The following MARCHF1 variants were observed in gnomAD, a reference collection of about 807,000 sequenced individuals.
MARCHF1 encodes the protein membrane associated ring-CH-type finger 1.
In MARCHF1, 40 loss-of-function variants were observed where a neutral mutation model predicts 54.2. The ratio of observed to expected loss-of-function variants is 0.74; its 90% CI spans 0.57 to 0.96. The LOEUF is 0.96. MARCHF1 is among the 40% of genes least tolerant of loss of function. The probability of loss-of-function intolerance (pLI) is 0.00; values close to 1 mark genes in which losing one functional copy is unlikely to be tolerated. For synonymous variants in MARCHF1, 236 were observed against 236.3 expected, an observed-to-expected ratio of 1.00 and a Z score of 0.01; for missense variants, 586 against 656.5, an observed-to-expected ratio of 0.89 and a Z score of 1.17.
intron 3 of MARCHF1, among the ~76,000 whole-genome samples, chr4:163,912,757 A>G (rs1751222138): frequency 6.6e-6 from 1 of 152,222 alleles, no homozygotes; most frequent in South Asian, 2.1e-4. Context: ...GGCATTTTCA[A>G]GATTGTCTGC....
chr4:164,369,207 C>T (rs1368202616), intron 1 of MARCHF1, among the ~76,000 whole-genome samples: 4 of 152,256 alleles, frequency 2.6e-5, no homozygotes, highest in African/African-American at 9.6e-5. Context: ...GAAAGCATTC[C>T]CTTTAGCTGG....
intron 3 of MARCHF1, among the ~76,000 whole-genome samples, chr4:163,859,841 C>T (rs1486609396): frequency 6.6e-6 from 1 of 152,082 alleles, no homozygotes; most frequent in African/African-American, 2.4e-5. Flanking sequence ...AATGAAACTC[C>T]CACATAAATA....
intron 4 of MARCHF1, among the ~76,000 whole-genome samples, chr4:163,774,346 T>G (rs1259157716): frequency 6.6e-6 from 1 of 152,200 alleles, no homozygotes; most frequent in African/African-American, 2.4e-5. Context: ...GAGATCCAGC[T>G]ATATAAAGCA....
chr4:164,314,120 G>C (rs564557799), intron 1 of MARCHF1, among the ~76,000 whole-genome samples: 3 of 152,278 alleles, frequency 2.0e-5, no homozygotes, highest in African/African-American at 7.2e-5. Flanking sequence ...CATTCAGCAT[G>C]TTCTGCTGAT....
At chr4:163,700,483 C>A (rs934971645) in intron 5 of MARCHF1, among the ~76,000 whole-genome samples, 1 of 141,048 alleles carries the variant, frequency 7.1e-6, no homozygotes, top group Non-Finnish European at 1.5e-5. Context: ...CCAGCTGGGG[C>A]GACAGAGTAA....
intron 2 of MARCHF1, among the ~76,000 whole-genome samples, chr4:164,065,947 C>T (rs545349199): frequency 1.3e-5 from 2 of 152,312 alleles, no homozygotes; most frequent in Admixed American, 6.5e-5. Context: ...GAGCTGACAG[C>T]CAATTGGATA....
At chr4:164,345,559 G>A (rs1202018899) in intron 1 of MARCHF1, among the ~76,000 whole-genome samples, 2 of 146,532 alleles carry the variant, frequency 1.4e-5, no homozygotes, top group African/African-American at 5.1e-5. Flanking sequence ...AACTGAGCAA[G>A]AATCTGTCTC....
intron 2 of MARCHF1, among the ~76,000 whole-genome samples, chr4:164,060,821 T>A (rs1754599190): frequency 6.6e-6 from 1 of 152,218 alleles, no homozygotes; most frequent in South Asian, 2.1e-4. Flanking sequence ...TGTTCCTCTC[T>A]GCATTTCTTC....
chr4:163,995,813 A>G (rs1006997324), intron 2 of MARCHF1, among the ~76,000 whole-genome samples: 1 of 152,086 alleles, frequency 6.6e-6, no homozygotes, highest in African/African-American at 2.4e-5. Flanking sequence ...GATGGCAGAA[A>G]CAATGTAGAA....
chr4:164,144,318 G>A (rs1185794290), intron 1 of MARCHF1, among the ~76,000 whole-genome samples: 1 of 151,724 alleles, frequency 6.6e-6, no homozygotes, highest in Admixed American at 6.6e-5. Context: ...GCACCAAGGG[G>A]ACCTAATAGA....
chr4:163,969,590 T>C (rs1752509878), intron 3 of MARCHF1, among the ~76,000 whole-genome samples: 1 of 152,202 alleles, frequency 6.6e-6, no homozygotes, highest in South Asian at 2.1e-4. Flanking sequence ...CCTTCCATTA[T>C]TTACCTCCAG....
chr4:164,278,093 T>C (rs923589176), intron 1 of MARCHF1, among the ~76,000 whole-genome samples: 2 of 152,162 alleles, frequency 1.3e-5, no homozygotes, highest in Non-Finnish European at 2.9e-5. Context: ...GCAGGATTAC[T>C]TGAGCCCAGA....
chr4:164,316,805 T>G (rs1561000030), intron 1 of MARCHF1, among the ~76,000 whole-genome samples: 1 of 152,162 alleles, frequency 6.6e-6, no homozygotes, highest in African/African-American at 2.4e-5. Flanking sequence ...ATTCTCCTGG[T>G]AGTGAGTGAG....
intron 1 of MARCHF1, among the ~76,000 whole-genome samples, chr4:164,252,240 CA>C (rs549895251): frequency 3.7e-4 from 56 of 152,198 alleles, no homozygotes; most frequent in African/African-American, 1.3e-3. Context: ...GGCATATGCT[CA>C]AATCTTCCCC....
chr4:164,212,990 A>T (rs1022597814), intron 1 of MARCHF1, among the ~76,000 whole-genome samples: 1 of 152,146 alleles, frequency 6.6e-6, no homozygotes, highest in Non-Finnish European at 1.5e-5. Context: ...TTTGAAAGAA[A>T]GGACATAACA....
intron 9 of MARCHF1, among the ~76,000 whole-genome samples, chr4:163,539,832 A>G (rs1181305078): frequency 1.3e-5 from 2 of 152,210 alleles, no homozygotes; most frequent in Non-Finnish European, 2.9e-5. Context: ...ATTTCTGCCA[A>G]CCTTTCAGAC....
intron 4 of MARCHF1, among the ~76,000 whole-genome samples, chr4:163,842,626 T>C (rs1014360328): frequency 4.6e-5 from 7 of 152,164 alleles, no homozygotes; most frequent in African/African-American, 1.7e-4. Context: ...TATAATGCTG[T>C]GGTGGGGATT....
intron 2 of MARCHF1, among the ~76,000 whole-genome samples, chr4:164,032,018 T>C (rs1398098534): frequency 6.6e-6 from 1 of 152,208 alleles, no homozygotes; most frequent in Non-Finnish European, 1.5e-5. Flanking sequence ...GAACTTTTTA[T>C]TGGACTATTC....
At chr4:164,042,799 T>C (rs1045779106) in intron 2 of MARCHF1, among the ~76,000 whole-genome samples, 4 of 152,150 alleles carry the variant, frequency 2.6e-5, no homozygotes, top group African/African-American at 4.8e-5. Context: ...ACTTCCAAGA[T>C]ACAATGGGGG....
Sources: gnomAD v4.1 joint callset for allele counts (sites outside exome capture counted in the v4.1 genomes callset) on GRCh38, gnomAD v4.1.1 for gene constraint, MANE v1.5 for transcripts, NCBI Gene and HGNC (gene_info 2026-07-23, HGNC 2026-07-21) for gene names.